Variants in ARHGAP12 observed in about 807,000 individuals in gnomAD.
The protein encoded by ARHGAP12 is rho GTPase-activating protein 12.
In ARHGAP12, 64 loss-of-function variants were observed where a neutral mutation model predicts 108.6. That is an observed-to-expected ratio of 0.59 (90% CI 0.48 to 0.73). ARHGAP12 has a LOEUF of 0.73. Ranked by LOEUF, ARHGAP12 falls within the 30% of genes least tolerant of loss-of-function variation. ARHGAP12 has a pLI of 0.00. For missense variants in ARHGAP12, 940 were observed against 1,005.9 expected, an observed-to-expected ratio of 0.93 and a Z score of 0.89; for synonymous variants, 312 against 337.2, an observed-to-expected ratio of 0.93 and a Z score of 0.82.
Position 31,807,594 on chromosome 10 carries a change from G to A in ARHGAP12, c.*64C>T. ...CTTGGTCCAAAAAATAAAATACATT[G>A]TGTATAAACATTTGAAATCTGATGG... is the stretch of plus-strand genomic sequence containing the variant. On this transcript the variant is annotated 3_prime_UTR_variant, in exon 20 of 20. Coordinates refer to ENST00000344936, the MANE Select transcript of ARHGAP12 (RefSeq NM_018287.7). 1 of 1,494,712 alleles carries A rather than the reference G, an allele frequency of 6.7e-7. No individual in the cohort carries two copies. The highest frequency in any genetic ancestry group is 2.3e-5 in the Admixed American group (1 of 43,834). The allele number at this position is 1,494,712 out of a possible 1,614,324, so 92.6% of individuals were successfully genotyped here. A position where few individuals can be genotyped will look rare whatever the true frequency, so the allele number is the denominator to read the frequency against.
intron 4 of ARHGAP12, among the ~76,000 whole-genome samples, chr10:31,859,335 C>T (rs1028070708): frequency 6.6e-5 from 10 of 152,164 alleles, no homozygotes; most frequent in Non-Finnish European, 7.3e-5. Context: ...CTGGGGATTC[C>T]CCAAAGAGGG....
In ARHGAP12 at chr10:31,908,300, AG is replaced by A; in HGVS notation, c.555del (p.Leu186TrpfsTer3). 1 of 1,614,116 alleles carries A rather than the reference AG, an allele frequency of 6.2e-7. No individual in the cohort carries two copies. Among genetic ancestry groups the A allele is most frequent in the Non-Finnish European group, 8.5e-7 (1 of 1,180,012 alleles). On this transcript the variant is annotated frameshift_variant, in exon 3 of 20. Coordinates refer to ENST00000344936, the MANE Select transcript of ARHGAP12 (RefSeq NM_018287.7). LOFTEE classifies it high-confidence loss of function. ...RSFGHFPGPE[F>X]LDVEKTSFSQ... ...GAGAAGCTAGTTTTCTCTACATCCA[AG>A]AACTCTGGACCGGGAAAATGACCAA...
At chr10:31,826,228 T>G in intron 11 of ARHGAP12, 76 bp downstream of exon 11, 1 of 1,162,426 alleles carries the variant, frequency 8.6e-7, no homozygotes, top group Non-Finnish European at 1.2e-6. Context: ...CTCTGGAAAT[T>G]ACCTCCTGAA....
At chr10:31,859,762 T>C (rs1015046453) in intron 4 of ARHGAP12, among the ~76,000 whole-genome samples, 1 of 152,146 alleles carries the variant, frequency 6.6e-6, no homozygotes, top group South Asian at 2.1e-4. Flanking sequence ...TAGCTTATTT[T>C]CAAATCTTTC....
intron 4 of ARHGAP12, among the ~76,000 whole-genome samples, 173 bp from the exon 5 acceptor site, chr10:31,854,379 G>A (rs10159767): frequency 0.05 from 7,640 of 152,204 alleles, 642 homozygotes; most frequent in African/African-American, 0.17. Context: ...ATTGTAAGAG[G>A]TGAGGTAAAA....
In ARHGAP12 at chr10:31,858,192, A is replaced by G. The variant is rs1345898347; in HGVS notation, c.948+3203T>C. The stretch of plus-strand genomic sequence containing the variant: ...TGTACCCCAGCCTGGGCAACAGAGC[A>G]AAACCCTGTCTCCTGCCAAAAAAGG... On this transcript the variant is annotated intron_variant, in intron 4 of 19. Coordinates refer to ENST00000344936, the MANE Select transcript of ARHGAP12 (RefSeq NM_018287.7). Among the ~76,000 whole-genome samples, 22 of 152,210 alleles carry G rather than the reference A, an allele frequency of 1.4e-4. 1 individual carries two copies. The highest frequency in any genetic ancestry group is 1.4e-3 in the Admixed American group (22 of 15,286).
intron 3 of ARHGAP12, among the ~76,000 whole-genome samples, chr10:31,905,464 G>A (rs1162291312): frequency 1.3e-5 from 2 of 152,118 alleles, no homozygotes; most frequent in African/African-American, 2.4e-5. Context: ...TGGTGTGGTG[G>A]AGCCAGAAAC....
intron 9 of ARHGAP12, among the ~76,000 whole-genome samples, chr10:31,836,093 A>G (rs1344745018): frequency 1.3e-5 from 2 of 152,232 alleles, no homozygotes; most frequent in African/African-American, 4.8e-5. Context: ...AAAAGGCCTT[A>G]GAATAGTAAT....
At chr10:31,915,707 T>C (rs1839526345) in intron 1 of ARHGAP12, among the ~76,000 whole-genome samples, 1 of 152,106 alleles carries the variant, frequency 6.6e-6, no homozygotes, top group South Asian at 2.1e-4. Flanking sequence ...ATAAAAAACA[T>C]ACAGTGTTAT....
chr10:31,926,891 A>T (rs1840070561), intron 1 of ARHGAP12, among the ~76,000 whole-genome samples: 1 of 152,248 alleles, frequency 6.6e-6, no homozygotes, highest in African/African-American at 2.4e-5. Flanking sequence ...CAATGTATTG[A>T]TAATTATATA....
Position 31,928,811 on chromosome 10 carries a change from C to T in ARHGAP12, c.-239G>A, listed in dbSNP as rs1592402058. On this transcript the variant is annotated 5_prime_UTR_variant, in exon 1 of 20. Coordinates refer to ENST00000344936, the MANE Select transcript of ARHGAP12 (RefSeq NM_018287.7). ...GGCCGGCCCGTCCCCGCAGGCTGGC[C>T]TCTGAGGGAGGGTAAGTTACAGGGC... 6.6e-6 allele frequency: 1 copy of T among 152,020 alleles called. No individual in the cohort carries two copies. The highest frequency in any genetic ancestry group is 1.5e-5 in the Non-Finnish European group (1 of 67,972). 9.4% of individuals were successfully genotyped at this position (152,020 alleles called of 1,614,324 possible).
chr10:31,898,580 G>A (rs116285197), intron 3 of ARHGAP12, among the ~76,000 whole-genome samples: 2,009 of 152,294 alleles, frequency 0.013, 40 homozygotes, highest in African/African-American at 0.046. Context: ...GTCATATGCT[G>A]AATAACGTTT....
At chr10:31,913,791 G>A (rs1374799450) in intron 1 of ARHGAP12, 2 of 125,338 alleles carry the variant, frequency 1.6e-5, no homozygotes. Context: ...TTTTTTTTTT[G>A]AAGAAAGAAT....
intron 4 of ARHGAP12, 48 bp downstream of exon 4, chr10:31,861,347 A>G (rs369392172): frequency 2.1e-4 from 321 of 1,545,340 alleles, no homozygotes; most frequent in Non-Finnish European, 2.6e-4. Context: ...CTGAATAATG[A>G]AAAGAGAAAA....
At position 31,922,091 on chromosome 10, in the gene ARHGAP12, C is replaced by A. The variant is rs556548641; in HGVS notation, c.-111+6592G>T. Among the ~76,000 whole-genome samples the A allele has an allele frequency of 3.5e-5, 5 of 143,558 alleles. No homozygotes were observed. In the South Asian group the frequency reaches 1.2e-3, roughly 33 times the overall value. 94.2% of individuals were successfully genotyped at this position (143,558 alleles called of 152,430 possible). A position where few individuals can be genotyped will look rare whatever the true frequency, so the allele number is the denominator to read the frequency against. On this transcript the variant is annotated intron_variant, in intron 1 of 19. Transcript: ENST00000344936. ...CCTGTGGTCCCAGCTACTCAGGAGG[C>A]TGAGGCTTGTGTCCAGGAGGCAAAG...
intron 11 of ARHGAP12, among the ~76,000 whole-genome samples, chr10:31,825,927 A>G (rs1835588624): frequency 6.6e-6 from 1 of 152,204 alleles, no homozygotes; most frequent in Admixed American, 6.5e-5. Flanking sequence ...ACAATTCAAG[A>G]TACAGCTTGC....
intron 3 of ARHGAP12, among the ~76,000 whole-genome samples, chr10:31,885,734 G>A (rs11008680): frequency 0.051 from 7,738 of 151,388 alleles, 642 homozygotes; most frequent in African/African-American, 0.18. Flanking sequence ...CACGAGAATC[G>A]CTTGAACCTG....
At chr10:31,852,761 A>G (rs1306195846) in intron 5 of ARHGAP12, among the ~76,000 whole-genome samples, 164 bp from the exon 6 acceptor site, 1 of 112,446 alleles carries the variant, frequency 8.9e-6, no homozygotes, top group Non-Finnish European at 1.7e-5. Context: ...TTGAGAGCCC[A>G]GGCTGGAGTG....
At chr10:31,820,849 GGAACTA>G (rs1835391032) in intron 11 of ARHGAP12, among the ~76,000 whole-genome samples, 1 of 151,482 alleles carries the variant, frequency 6.6e-6, no homozygotes, top group African/African-American at 2.4e-5. Flanking sequence ...GATATAAACT[GGAACTA>G]CTCCTAGAAA....
Sources: allele counts gnomAD v4.1 joint callset (sites outside exome capture counted in the v4.1 genomes callset), GRCh38; gene constraint gnomAD v4.1.1; transcripts MANE v1.5; gene names NCBI Gene and HGNC (gene_info 2026-07-23, HGNC 2026-07-21).